The following PCCB variants were observed in gnomAD, a reference collection of about 807,000 sequenced individuals.
PCCB encodes propionyl-CoA carboxylase beta chain, mitochondrial.
Under a neutral mutation model 60.7 loss-of-function variants are expected in PCCB, and 43 were observed. That is an observed-to-expected ratio of 0.71 (90% CI 0.55 to 0.91). PCCB has a LOEUF of 0.91. PCCB is among the 40% of genes least tolerant of loss of function. The pLI is 0.00. For synonymous variants in PCCB, 276 were observed against 255.9 expected (o/e 1.08, Z -0.75); for missense variants, 766 against 702.8 (o/e 1.09, Z -1.02).
intron 2 of PCCB, 176 bp downstream of exon 2, chr3:136,256,151 C>T (rs1941666326): frequency 2.2e-6 from 2 of 920,034 alleles, no homozygotes; most frequent in Non-Finnish European, 3.2e-6. Context: ...CCATGTTGGT[C>T]AGGCTGGCCT....
At chr3:136,287,259 G>A (rs560018373) in intron 6 of PCCB, among the ~76,000 whole-genome samples, 70 of 152,218 alleles carry the variant, frequency 4.6e-4, no homozygotes, top group South Asian at 3.9e-3. Flanking sequence ...AGCGTTTCCT[G>A]TTTTGACCTT....
At chr3:136,329,696 A>G (rs1935469565) in intron 14 of PCCB, among the ~76,000 whole-genome samples, 1 of 152,154 alleles carries the variant, frequency 6.6e-6, no homozygotes, top group South Asian at 2.1e-4. Flanking sequence ...TTTCTTGCCA[A>G]GTGCTCCTAG....
At chr3:136,316,029 G>A (rs1206086139) in intron 9 of PCCB, among the ~76,000 whole-genome samples, 1 of 151,828 alleles carries the variant, frequency 6.6e-6, no homozygotes, top group Non-Finnish European at 1.5e-5. Flanking sequence ...GACCAGTCTG[G>A]GCAACATAGC....
intron 4 of PCCB, among the ~76,000 whole-genome samples, 181 bp from the exon 5 acceptor site, chr3:136,261,771 A>G (rs1941832643): frequency 6.6e-6 from 1 of 152,190 alleles, no homozygotes; most frequent in Non-Finnish European, 1.5e-5. Context: ...CCTATTAAAT[A>G]TCTGGTCCTT....
intron 5 of PCCB, among the ~76,000 whole-genome samples, chr3:136,264,774 C>T (rs1941938138): frequency 1.4e-5 from 2 of 147,004 alleles, no homozygotes; most frequent in Admixed American, 1.4e-4. Context: ...ACTTGGGAGG[C>T]TGAGGCAGGA....
rs76864962 is a variant in PCCB, at chr3:136,291,908, G to A, written c.655-1848G>A. Among the ~76,000 whole-genome samples the A allele has an allele frequency of 7.7e-3, 1,178 of 152,250 alleles. 23 individuals are homozygous for A. The highest frequency in any genetic ancestry group is 0.026 in the African/African-American group (1,071 of 41,520). On this transcript the variant is annotated intron_variant, in intron 6 of 14. Transcript: ENST00000251654. ...GTGTGGGAGCCCCCAATGATTGGCC[G>A]GCCCTGGAGTCTTGATCTCTCCGAC...
intron 5 of PCCB, among the ~76,000 whole-genome samples, chr3:136,277,901 C>G (rs1328261246): frequency 1.3e-5 from 2 of 152,180 alleles, no homozygotes; most frequent in South Asian, 4.1e-4. Flanking sequence ...CCTGCAGGGC[C>G]AGGCACCTGG....
At chr3:136,267,023 C>A (rs1000243307) in intron 5 of PCCB, among the ~76,000 whole-genome samples, 8 of 152,158 alleles carry the variant, frequency 5.3e-5, no homozygotes, top group African/African-American at 1.9e-4. Flanking sequence ...GCTGGGATTA[C>A]AGGTGCATGC....
intron 1 of PCCB, chr3:136,255,362 C>A: frequency 5.0e-6 from 1 of 201,624 alleles, no homozygotes; most frequent in Non-Finnish European, 1.0e-5. Context: ...AGGAGAAGAA[C>A]CAGGAAGTAG....
At chr3:136,305,546 C>T (rs1275121813) in intron 9 of PCCB, among the ~76,000 whole-genome samples, 2 of 117,630 alleles carry the variant, frequency 1.7e-5, no homozygotes, top group African/African-American at 5.1e-5. Context: ...GTCAGGAGTT[C>T]GAGACCAGCT....
intron 6 of PCCB, among the ~76,000 whole-genome samples, chr3:136,284,485 G>A (rs1933264453): frequency 6.6e-6 from 1 of 152,046 alleles, no homozygotes. Context: ...AGTTATACAT[G>A]AGTAATTACC....
Position 136,309,947 on chromosome 3 carries a change from A to G in PCCB, c.967-6994A>G, listed in dbSNP as rs373741977. ...AGGAATTACTTCACCAAAAAGCACA[A>G]GGAGCTGGATTCAGTGGCTCATGCC... On this transcript the variant is annotated intron_variant, in intron 9 of 14. Coordinates refer to ENST00000251654, the MANE Select transcript of PCCB (RefSeq NM_000532.5). 7.9e-5 allele frequency among the ~76,000 whole-genome samples: 12 copies of G among 152,322 alleles called. No individual in the cohort carries two copies. In the East Asian group the frequency reaches 1.7e-3, roughly 22 times the overall value.
At position 136,328,841 on chromosome 3, in the gene PCCB, C is replaced by T. The variant is rs1179000221; in HGVS notation, c.1482C>T (p.Phe494=). 1 of 1,613,814 alleles carries T rather than the reference C, an allele frequency of 6.2e-7. No individual in the cohort carries two copies. Among genetic ancestry groups the T allele is most frequent in the Non-Finnish European group, 8.5e-7 (1 of 1,179,662 alleles). The change falls in exon 14 of 15, where the codon TTC becomes TTT. Residue 494 remains phenylalanine (F), a synonymous_variant. Coordinates refer to ENST00000251654, the MANE Select transcript of PCCB (RefSeq NM_000532.5). The part of the protein sequence containing the change: ...AEYIEKFANP[F]PAAVRGFVDD... Reference sequence around the variant, plus strand: ...ACATCGAGAAGTTTGCCAACCCTTTCCCTGCAGCAGTGCGAGGTAGGGGAC... The same window carrying T: ...ACATCGAGAAGTTTGCCAACCCTTTTCCTGCAGCAGTGCGAGGTAGGGGAC...
At chr3:136,314,190 C>G (rs937241193) in intron 9 of PCCB, among the ~76,000 whole-genome samples, 5 of 152,040 alleles carry the variant, frequency 3.3e-5, no homozygotes, top group African/African-American at 1.2e-4. Context: ...TTTAGAAGGA[C>G]ACAGGAACCA....
At chr3:136,328,188 T>G (rs1935404195) in intron 13 of PCCB, among the ~76,000 whole-genome samples, 2 of 152,110 alleles carry the variant, frequency 1.3e-5, no homozygotes, top group African/African-American at 4.8e-5. Context: ...TACTTCCTAT[T>G]GCTTGACCTA....
intron 5 of PCCB, among the ~76,000 whole-genome samples, chr3:136,268,136 A>ATGTATATATATATATC (rs1465556201): frequency 7.8e-6 from 1 of 128,590 alleles, no homozygotes; most frequent in African/African-American, 3.2e-5. Context: ...ATATATATAT[A>ATGTATATATATATATC]TATATCTACA....
chr3:136,279,287 C>A (rs1017027781), intron 5 of PCCB, among the ~76,000 whole-genome samples: 2 of 152,134 alleles, frequency 1.3e-5, no homozygotes, highest in Non-Finnish European at 2.9e-5. Flanking sequence ...TTATACTTAG[C>A]ATGATTGCTG....
In PCCB at chr3:136,297,952, G is replaced by A. The variant is rs1362416916; in HGVS notation, c.764G>A (p.Gly255Asp). 6.2e-7 allele frequency: 1 copy of A among 1,613,994 alleles called. No individual in the cohort carries two copies. The highest frequency in any genetic ancestry group is 1.1e-5 in the South Asian group (1 of 91,090). Residue 255 changes from glycine (G) to aspartate (D), a missense_variant and splice_region_variant, in exon 8 of 15, where the codon GGT (glycine) becomes GAT (aspartate). Transcript: ENST00000251654. Reference protein sequence around the residue: ...GGAKTHTTMSGVAHRAFENDV... With the variant: ...GGAKTHTTMSDVAHRAFENDV... ...TCATATATGCTCCCTGTTCTCTTAG[G>A]TGTGGCCCACAGAGCTTTTGAAAAT...
intron 14 of PCCB, among the ~76,000 whole-genome samples, chr3:136,329,380 T>C (rs1378532558): frequency 6.6e-6 from 1 of 152,170 alleles, no homozygotes; most frequent in Non-Finnish European, 1.5e-5. Flanking sequence ...CAGGCTTCCT[T>C]ACATGGTGTC....
Sources: gnomAD v4.1 joint callset for allele counts (sites outside exome capture counted in the v4.1 genomes callset) on GRCh38, gnomAD v4.1.1 for gene constraint, MANE v1.5 for transcripts, NCBI Gene and HGNC (gene_info 2026-07-23, HGNC 2026-07-21) for gene names.